SYNE3: variants seen among roughly 807,000 people sequenced by gnomAD.
SYNE3 encodes the protein spectrin repeat containing nuclear envelope family member 3, also known as nesprin-3.
Under a neutral mutation model 111.2 loss-of-function variants are expected in SYNE3, and 100 were observed. The observed-to-expected ratio is 0.90, with a 90% CI of 0.77 to 1.06. The LOEUF (loss-of-function observed/expected upper bound fraction) is 1.06, where lower values mean the gene tolerates loss of function less well. SYNE3 is among the 50% of genes least tolerant of loss of function. SYNE3 has a pLI of 0.00. For synonymous variants in SYNE3, 547 were observed against 533.9 expected (o/e 1.02, Z -0.34); for missense variants, 1,160 against 1,240.3 (o/e 0.94, Z 0.97).
intron 17 of SYNE3, among the ~76,000 whole-genome samples, chr14:95,419,606 T>G (rs1472405819): frequency 6.6e-6 from 1 of 150,694 alleles, no homozygotes; most frequent in Non-Finnish European, 1.5e-5. Flanking sequence ...CACAGTCCCG[T>G]GATGATGATA....
Position 95,444,476 on chromosome 14 carries a change from A to T in SYNE3, c.1776+9T>A. 6.2e-7 allele frequency: 1 copy of T among 1,602,022 alleles called. No individual in the cohort carries two copies. Among genetic ancestry groups the T allele is most frequent in the Non-Finnish European group, 8.5e-7 (1 of 1,172,768 alleles). ...GGCAGGAGTGATTCAGGCCTCACAG[A>T]CCCCTCACCTGCAACCTTGAGAGCT... On this transcript the variant is annotated intron_variant, in intron 10 of 17. Transcript: ENST00000682763.
At chr14:95,513,043 T>C (rs1424387586) in intron 1 of SYNE3, among the ~76,000 whole-genome samples, 1 of 152,172 alleles carries the variant, frequency 6.6e-6, no homozygotes. Context: ...GCCTTTTTCT[T>C]TTTTAAACCA....
intron 17 of SYNE3, among the ~76,000 whole-genome samples, chr14:95,426,607 G>A (rs2139357757): frequency 6.6e-6 from 1 of 152,156 alleles, no homozygotes; most frequent in East Asian, 1.9e-4. Flanking sequence ...AATTTTTGTG[G>A]GCGGCAAGCC....
intron 17 of SYNE3, among the ~76,000 whole-genome samples, chr14:95,426,943 CAAAA>C (rs574423106): frequency 1.9e-5 from 2 of 104,886 alleles, no homozygotes; most frequent in Non-Finnish European, 1.8e-5. Context: ...GACTCCATCT[CAAAA>C]AAAAAAAAAA....
At chr14:95,443,518 G>T in intron 10 of SYNE3, 1 of 475,940 alleles carries the variant, frequency 2.1e-6, no homozygotes, top group Non-Finnish European at 3.6e-6. Context: ...GGGACACCAT[G>T]AAAATAAACT....
chr14:95,439,602 G>T lies in SYNE3; in HGVS notation c.2246+10C>A. 1.2e-6 allele frequency: 2 copies of T among 1,606,160 alleles called. No homozygotes were observed. The highest frequency in any genetic ancestry group is 1.7e-6 in the Non-Finnish European group (2 of 1,179,926). ...CCAGACAACGCTCAGAGCCTAGGAG[G>T]CACTCTCACCTCAGCAGACTTTCTT... On this transcript the variant is annotated intron_variant, in intron 13 of 17. Transcript: ENST00000682763.
Position 95,516,625 on chromosome 14 carries a change from G to T in SYNE3, c.-44C>A, listed in dbSNP as rs1317399912. Among the ~76,000 whole-genome samples the T allele has an allele frequency of 6.7e-6, 1 of 148,272 alleles. No individual in the cohort carries two copies. The highest frequency in any genetic ancestry group is 2.1e-4 in the East Asian group (1 of 4,842). On this transcript the variant is annotated 5_prime_UTR_variant, in exon 1 of 18. Transcript: ENST00000682763. ...CCGGAGCGTGGAGGAGCGCGGCGCC[G>T]CGGGTAGCTGGGGCCGAGCCTCCTT...
rs147566716 is a variant in SYNE3, at chr14:95,510,246, C to T, written c.-15+6350G>A. On this transcript the variant is annotated intron_variant, in intron 1 of 17. Transcript: ENST00000682763. ...GTTAGATGGGAAACAAATGGATTCA[C>T]AGTGCAGCAACTGACCAGGAAATGG... Among the ~76,000 whole-genome samples the T allele has an allele frequency of 3.0e-3, 462 of 152,300 alleles. 2 individuals carry two copies. The highest frequency in any genetic ancestry group is 5.3e-3 in the Non-Finnish European group (359 of 68,024).
At chr14:95,452,454 G>T in intron 6 of SYNE3, 71 bp from the exon 7 acceptor site, 1 of 1,475,732 alleles carries the variant, frequency 6.8e-7, no homozygotes, top group Non-Finnish European at 9.0e-7. Flanking sequence ...GTGCAGGAGG[G>T]TGAGCGTGGC....
chr14:95,427,782 C>A (rs1885522080), intron 17 of SYNE3, among the ~76,000 whole-genome samples: 1 of 110 alleles, frequency 9.1e-3, no homozygotes. Context: ...TGGTAGTGGT[C>A]CCCAGGGCCC....
chr14:95,469,165 G>A (rs531545406), intron 2 of SYNE3, among the ~76,000 whole-genome samples: 12 of 152,158 alleles, frequency 7.9e-5, no homozygotes, highest in African/African-American at 2.9e-4. Flanking sequence ...TCCCCAGCCC[G>A]TCTCCCTGAG....
At chr14:95,429,343 G>A (rs1885614934) in intron 17 of SYNE3, among the ~76,000 whole-genome samples, 1 of 152,172 alleles carries the variant, frequency 6.6e-6, no homozygotes, top group Non-Finnish European at 1.5e-5. Flanking sequence ...ACTCACTGAA[G>A]GTCACACACG....
At chr14:95,430,825 GA>G (rs35170615) in intron 17 of SYNE3, among the ~76,000 whole-genome samples, 32 of 143,852 alleles carry the variant, frequency 2.2e-4, no homozygotes, top group East Asian at 1.1e-3. Flanking sequence ...TGTCTCAAAG[GA>G]AAAAAAAAAA....
At chr14:95,441,775 C>T (rs1454949691) in intron 11 of SYNE3, among the ~76,000 whole-genome samples, 1 of 152,196 alleles carries the variant, frequency 6.6e-6, no homozygotes, top group Non-Finnish European at 1.5e-5. Flanking sequence ...TTCAACCAGA[C>T]ATTAATCGTC....
chr14:95,465,876 G>A, intron 4 of SYNE3, 55 bp downstream of exon 4: 1 of 1,510,670 alleles, frequency 6.6e-7, no homozygotes. Context: ...GGGTAGATAA[G>A]GGTGGATACA....
chr14:95,416,018 T>G lies in SYNE3; in HGVS notation c.*1808A>C, dbSNP rs189682153. 6.6e-6 allele frequency: 1 copy of G among 151,822 alleles called. No individual in the cohort carries two copies. Among genetic ancestry groups the G allele is most frequent in the East Asian group, 1.9e-4 (1 of 5,168 alleles). 9.4% of individuals were successfully genotyped at this position (151,822 alleles called of 1,614,324 possible). A position where few individuals can be genotyped will look rare whatever the true frequency, so the allele number is the denominator to read the frequency against. ...CTCAAAATAATTATAATAACAATAA[T>G]AATAATAACTCAGAGCCAGGCTTGT... On this transcript the variant is annotated 3_prime_UTR_variant, in exon 18 of 18. Transcript: ENST00000682763.
rs961466143 is a variant in SYNE3, at chr14:95,412,840, G to A, written c.*4986C>T. On this transcript the variant is annotated 3_prime_UTR_variant, in exon 18 of 18. Coordinates refer to ENST00000682763, the MANE Select transcript of SYNE3 (RefSeq NM_152592.6). ...GGGGAGCAAAACCAACATAGAGTTGGCAACTTTTTATTTTGTCCAATGAGG... is the reference window on the plus strand; with the variant it reads ...GGGGAGCAAAACCAACATAGAGTTGACAACTTTTTATTTTGTCCAATGAGG... 2.0e-5 allele frequency: 3 copies of A among 152,168 alleles called. No individual in the cohort carries two copies. The highest frequency in any genetic ancestry group is 7.2e-5 in the African/African-American group (3 of 41,434). The allele number at this position is 152,168 out of a possible 1,614,324, so 9.4% of individuals were successfully genotyped here.
intron 1 of SYNE3, among the ~76,000 whole-genome samples, chr14:95,476,659 T>C (rs945134175): frequency 1.3e-5 from 2 of 152,278 alleles, no homozygotes; most frequent in African/African-American, 2.4e-5. Context: ...ATTCCAGTTC[T>C]AGTTGTCTGC....
At chr14:95,430,867 A>G (rs1747028) in intron 17 of SYNE3, among the ~76,000 whole-genome samples, 139,417 of 151,522 alleles carry the variant, frequency 0.92, 64,410 homozygotes, top group Non-Finnish European at 0.95. Context: ...GGGAAAGTGA[A>G]CCCCAAGGGG....
Sources: allele counts gnomAD v4.1 joint callset (sites outside exome capture counted in the v4.1 genomes callset), GRCh38; gene constraint gnomAD v4.1.1; transcripts MANE v1.5; gene names NCBI Gene and HGNC (gene_info 2026-07-23, HGNC 2026-07-21).